Variants in LRRC4C observed in about 807,000 individuals in gnomAD.
LRRC4C encodes leucine rich repeat containing 4C.
Under a neutral mutation model 33.6 loss-of-function variants are expected in LRRC4C, and 5 were observed. The ratio of observed to expected loss-of-function variants is 0.15; its 90% CI spans 0.08 to 0.31. The LOEUF (loss-of-function observed/expected upper bound fraction) is 0.31. Ranked by LOEUF, LRRC4C falls within the 10% of genes least tolerant of loss-of-function variation. The pLI, the probability that LRRC4C is intolerant of heterozygous loss-of-function variation, is 1.00. For synonymous variants in LRRC4C, 329 were observed against 302.0 expected, an observed-to-expected ratio of 1.09 and a Z score of -0.93; for missense variants, 560 against 796.7, an observed-to-expected ratio of 0.70 and a Z score of 3.58.
chr11:40,602,805 G>A (rs1960159505), intron 3 of LRRC4C, among the ~76,000 whole-genome samples: 1 of 152,140 alleles, frequency 6.6e-6, no homozygotes, highest in African/African-American at 2.4e-5. Context: ...GGTACCTTGT[G>A]AGGAAGGAGC....
intron 5 of LRRC4C, among the ~76,000 whole-genome samples, chr11:40,233,907 G>A (rs989066388): frequency 1.3e-5 from 2 of 152,164 alleles, no homozygotes; most frequent in Non-Finnish European, 2.9e-5. Flanking sequence ...CTGTCTGCCT[G>A]TAAGTGGTAG....
At chr11:41,103,246 TA>T (rs889117323) in intron 1 of LRRC4C, among the ~76,000 whole-genome samples, 3 of 151,882 alleles carry the variant, frequency 2.0e-5, no homozygotes, top group Non-Finnish European at 2.9e-5. Context: ...GAAGATAGCT[TA>T]AAAAAATTAG....
chr11:40,949,077 A>G (rs1296648546), intron 1 of LRRC4C, among the ~76,000 whole-genome samples: 13 of 151,796 alleles, frequency 8.6e-5, no homozygotes, highest in South Asian at 4.2e-4. Flanking sequence ...GTGTGAGATG[A>G]TATCTCATTG....
At chr11:40,577,691 G>A (rs1174254823) in intron 3 of LRRC4C, among the ~76,000 whole-genome samples, 1 of 151,948 alleles carries the variant, frequency 6.6e-6, no homozygotes, top group Admixed American at 6.6e-5. Flanking sequence ...AGTCCCTCAG[G>A]AAAAACAAAC....
chr11:40,889,704 T>G (rs1208934669), intron 2 of LRRC4C, among the ~76,000 whole-genome samples: 3 of 152,136 alleles, frequency 2.0e-5, no homozygotes, highest in African/African-American at 7.2e-5. Flanking sequence ...TATGAATATT[T>G]CAGTAGCAAC....
chr11:40,403,561 A>G (rs1949843010), intron 3 of LRRC4C, among the ~76,000 whole-genome samples: 1 of 152,142 alleles, frequency 6.6e-6, no homozygotes, highest in African/African-American at 2.4e-5. Flanking sequence ...AAGGTGGTCT[A>G]TGAAAATTGG....
intron 1 of LRRC4C, among the ~76,000 whole-genome samples, chr11:41,095,230 C>G (rs2135571443): frequency 6.6e-6 from 1 of 152,234 alleles, no homozygotes; most frequent in South Asian, 2.1e-4. Flanking sequence ...AAGTGCCTCA[C>G]TTTTAAACCA....
intron 1 of LRRC4C, among the ~76,000 whole-genome samples, chr11:41,370,302 G>T (rs2137772996): frequency 6.6e-6 from 1 of 152,214 alleles, no homozygotes; most frequent in South Asian, 2.1e-4. Flanking sequence ...TCCCACCTCA[G>T]CCTACTGAGT....
chr11:40,584,686 C>A (rs1022308740), intron 3 of LRRC4C, among the ~76,000 whole-genome samples: 1 of 151,996 alleles, frequency 6.6e-6, no homozygotes, highest in Non-Finnish European at 1.5e-5. Flanking sequence ...AATCCCAGAA[C>A]TTTTGGAGGC....
chr11:40,482,203 A>C (rs890878823), intron 3 of LRRC4C, among the ~76,000 whole-genome samples: 1 of 152,224 alleles, frequency 6.6e-6, no homozygotes. Context: ...TCAAAGAGTC[A>C]TCACATGGAT....
At chr11:41,040,084 G>T (rs936076491) in intron 1 of LRRC4C, among the ~76,000 whole-genome samples, 1 of 147,028 alleles carries the variant, frequency 6.8e-6, no homozygotes. Context: ...CTTGCAGTGA[G>T]CCGAGATCAC....
At chr11:40,756,880 C>A (rs1948977020) in intron 2 of LRRC4C, among the ~76,000 whole-genome samples, 1 of 151,880 alleles carries the variant, frequency 6.6e-6, no homozygotes, top group East Asian at 1.9e-4. Flanking sequence ...CATCCCATTT[C>A]TTTCTGTCAG....
intron 3 of LRRC4C, among the ~76,000 whole-genome samples, chr11:40,395,154 A>C (rs1668376007): frequency 6.6e-6 from 1 of 152,148 alleles, no homozygotes; most frequent in South Asian, 2.1e-4. Context: ...ACATGTTCTA[A>C]GGTATAAAAT....
At chr11:41,201,652 G>T (rs1251445122) in intron 1 of LRRC4C, among the ~76,000 whole-genome samples, 1 of 152,068 alleles carries the variant, frequency 6.6e-6, no homozygotes, top group Non-Finnish European at 1.5e-5. Context: ...CAAATTTAAA[G>T]ATCTGAAGCC....
chr11:40,831,835 C>T (rs929319964), intron 2 of LRRC4C, among the ~76,000 whole-genome samples: 4 of 151,994 alleles, frequency 2.6e-5, no homozygotes, highest in Admixed American at 1.3e-4. Context: ...GAAACCTGCC[C>T]CCATGATTCA....
chr11:41,350,383 G>C (rs547099632), intron 1 of LRRC4C, among the ~76,000 whole-genome samples: 1 of 151,504 alleles, frequency 6.6e-6, no homozygotes, highest in Admixed American at 6.6e-5. Context: ...TGTGGCGGGC[G>C]CCTGTAGTCC....
chr11:40,215,880 A>T (rs942029650), intron 5 of LRRC4C, among the ~76,000 whole-genome samples: 2 of 152,164 alleles, frequency 1.3e-5, no homozygotes, highest in Non-Finnish European at 2.9e-5. Flanking sequence ...CAAAGAATGG[A>T]CACTCTTTGG....
At chr11:40,208,582 A>G (rs1379749227) in intron 5 of LRRC4C, among the ~76,000 whole-genome samples, 1 of 152,142 alleles carries the variant, frequency 6.6e-6, no homozygotes, top group Non-Finnish European at 1.5e-5. Flanking sequence ...AGGGGAAAAA[A>G]AAGCCCTGAC....
At chr11:40,380,086 G>A (rs1484115796) in intron 3 of LRRC4C, among the ~76,000 whole-genome samples, 1 of 152,158 alleles carries the variant, frequency 6.6e-6, no homozygotes, top group Non-Finnish European at 1.5e-5. Flanking sequence ...GTGAAACCAT[G>A]TACAAGATAC....
Sources: gnomAD v4.1 joint callset for allele counts (sites outside exome capture counted in the v4.1 genomes callset) on GRCh38, gnomAD v4.1.1 for gene constraint, MANE v1.5 for transcripts, NCBI Gene and HGNC (gene_info 2026-07-23, HGNC 2026-07-21) for gene names.